The following ARL6IP6 variants were observed in gnomAD, a reference collection of about 807,000 sequenced individuals.
ARL6IP6 encodes the protein ARF like GTPase 6 interacting protein 6, also known as ADP-ribosylation factor-like protein 6-interacting protein 6.
A neutral mutation model predicts 21.5 loss-of-function variants in ARL6IP6; 22 were observed. That is an observed-to-expected ratio of 1.02 (90% confidence interval 0.73 to 1.46). The LOEUF (loss-of-function observed/expected upper bound fraction) is 1.46, where lower values mean the gene tolerates loss of function less well. Among genes scored for constraint, ARL6IP6 ranks in the 40% most tolerant of loss-of-function variants. The pLI, the probability that ARL6IP6 is intolerant of heterozygous loss-of-function variation, is 0.00. For missense variants in ARL6IP6, 388 were observed against 299.8 expected (o/e 1.29, Z -2.17); for synonymous variants, 164 against 125.3 (o/e 1.31, Z -2.06).
chr2:152,731,532 C>T (rs1700311489), intron 2 of ARL6IP6, among the ~76,000 whole-genome samples: 1 of 152,162 alleles, frequency 6.6e-6, no homozygotes, highest in Non-Finnish European at 1.5e-5. Flanking sequence ...TTTAAAGACG[C>T]AGTTTAAAAA....
At chr2:152,755,378 CCCGCCTGCAGTTA>C (rs1701536853) in intron 3 of ARL6IP6, among the ~76,000 whole-genome samples, 1 of 152,116 alleles carries the variant, frequency 6.6e-6, no homozygotes, top group African/African-American at 2.4e-5. Context: ...ATCCGTCAGG[CCCGCCTGCAGTTA>C]TCCGGAGGCC....
At chr2:152,725,162 AGTTTATTT>A (rs1699981562) in intron 2 of ARL6IP6, among the ~76,000 whole-genome samples, 1 of 152,194 alleles carries the variant, frequency 6.6e-6, no homozygotes, top group African/African-American at 2.4e-5. Flanking sequence ...TTTCTCATAA[AGTTTATTT>A]GATCTTGAAA....
intron 3 of ARL6IP6, among the ~76,000 whole-genome samples, chr2:152,746,750 C>CCAT (rs1701068476): frequency 6.6e-6 from 1 of 151,134 alleles, no homozygotes; most frequent in South Asian, 2.1e-4. Context: ...GGAAGTCTGA[C>CCAT]CATGGCCTGC....
At chr2:152,756,844 C>G (rs1042816760) in intron 3 of ARL6IP6, among the ~76,000 whole-genome samples, 1 of 152,122 alleles carries the variant, frequency 6.6e-6, no homozygotes. Flanking sequence ...ATTGGTACAA[C>G]TATTTTTCAT....
At chr2:152,731,248 A>G (rs1700295961) in intron 2 of ARL6IP6, among the ~76,000 whole-genome samples, 1 of 152,170 alleles carries the variant, frequency 6.6e-6, no homozygotes, top group Admixed American at 6.5e-5. Context: ...AACAGGTGGG[A>G]GATGGGAGGA....
chr2:152,719,013 T>G lies in ARL6IP6; in HGVS notation c.389T>G (p.Leu130Trp), dbSNP rs749177103. Residue 130 changes from leucine (L) to tryptophan (W), a missense_variant, in exon 1 of 4, where the codon TTG becomes TGG. Transcript: ENST00000326446. ...LLAFLLAIAY[L>W]IVKELHAENL... ...GCCTTCCTCCTCGCCATCGCCTACT[T>G]GATCGTTAAAGGTATTGAAGCCGAC... 6.4e-7 allele frequency: 1 copy of G among 1,571,230 alleles called. No individual in the cohort carries two copies. The highest frequency in any genetic ancestry group is 8.6e-7 in the Non-Finnish European group (1 of 1,156,474).
chr2:152,731,274 A>G (rs1398550803), intron 2 of ARL6IP6, among the ~76,000 whole-genome samples: 2 of 152,176 alleles, frequency 1.3e-5, no homozygotes, highest in African/African-American at 4.8e-5. Context: ...CTATCAGGAG[A>G]TATAATTTAC....
At chr2:152,756,653 C>A (rs1285898933) in intron 3 of ARL6IP6, among the ~76,000 whole-genome samples, 2 of 151,744 alleles carry the variant, frequency 1.3e-5, no homozygotes, top group Non-Finnish European at 2.9e-5. Context: ...ACACAAACAT[C>A]AAAAAAGAGG....
chr2:152,753,253 T>A (rs962491023), intron 3 of ARL6IP6, among the ~76,000 whole-genome samples: 6 of 152,186 alleles, frequency 3.9e-5, no homozygotes, highest in South Asian at 2.1e-4. Flanking sequence ...CACTGCTAAA[T>A]AAAAAACTGA....
chr2:152,720,735 T>C, intron 2 of ARL6IP6, 149 bp downstream of exon 2: 1 of 732,920 alleles, frequency 1.4e-6, no homozygotes, highest in South Asian at 1.9e-5. Flanking sequence ...TGGTGATAAA[T>C]GTTATTAGAT....
In ARL6IP6 at chr2:152,718,919, G is replaced by T; in HGVS notation, c.295G>T (p.Ala99Ser). 1.2e-6 allele frequency: 2 copies of T among 1,613,908 alleles called. No homozygotes were observed. The highest frequency in any genetic ancestry group is 1.7e-6 in the Non-Finnish European group (2 of 1,179,900). The change falls in exon 1 of 4, where the codon GCC (alanine) becomes TCC (serine). Residue 99 changes from alanine to serine, a missense_variant. Transcript: ENST00000326446. ...CTTTCCCGCGGCCGCGGGCAGCAGA[G>T]CCCAGCCTCGGCGGTGGCCGGTCCA... ...GIFPAAAGSR[A>S]QPRRWPVQVL...
intron 2 of ARL6IP6, among the ~76,000 whole-genome samples, chr2:152,730,044 C>T (rs1384855630): frequency 2.0e-5 from 3 of 152,192 alleles, no homozygotes; most frequent in African/African-American, 4.8e-5. Flanking sequence ...ATCATAAACA[C>T]TTCTAGACCA....
intron 3 of ARL6IP6, among the ~76,000 whole-genome samples, chr2:152,738,855 C>T (rs1055353466): frequency 6.7e-6 from 1 of 150,166 alleles, no homozygotes; most frequent in Non-Finnish European, 1.5e-5. Flanking sequence ...TGAATTTTGC[C>T]TCAGAAAATT....
At chr2:152,744,152 T>C (rs2105156376) in intron 3 of ARL6IP6, among the ~76,000 whole-genome samples, 1 of 152,306 alleles carries the variant, frequency 6.6e-6, no homozygotes, top group East Asian at 1.9e-4. Context: ...AAAGGCATGA[T>C]TTAAAATTTT....
At position 152,718,631 on chromosome 2, in the gene ARL6IP6, T is replaced by C. The variant is rs765402663; in HGVS notation, c.7T>C (p.Phe3Leu). The C allele has an allele frequency of 1.3e-6, 2 of 1,529,794 alleles. No homozygotes were observed. Among genetic ancestry groups the C allele is most frequent in the Non-Finnish European group, 1.8e-6 (2 of 1,137,914 alleles). 94.8% of individuals were successfully genotyped at this position (1,529,794 alleles called of 1,614,324 possible). The change falls in exon 1 of 4, where the codon TTT (phenylalanine) becomes CTT (leucine). Residue 3 changes from phenylalanine (F) to leucine (L), a missense_variant. Transcript: ENST00000326446. ...TTTCGTTGTGTTTCGCGCCATGTCG[T>C]TTGCTGAGAGCGGGTGGCGGTCGGC... MS[F>L]AESGWRSALR...
At chr2:152,751,228 A>G (rs1161226777) in intron 3 of ARL6IP6, among the ~76,000 whole-genome samples, 1 of 152,148 alleles carries the variant, frequency 6.6e-6, no homozygotes. Flanking sequence ...TTGACACATA[A>G]TAATCATATT....
chr2:152,720,631 G>C, intron 2 of ARL6IP6, 45 bp downstream of exon 2: 1 of 1,534,986 alleles, frequency 6.5e-7, no homozygotes, highest in Non-Finnish European at 9.0e-7. Context: ...GCTCACGTTT[G>C]TGTTTCTAGA....
At chr2:152,726,146 G>T (rs919299621) in intron 2 of ARL6IP6, among the ~76,000 whole-genome samples, 4 of 149,302 alleles carry the variant, frequency 2.7e-5, no homozygotes, top group Admixed American at 6.7e-5. Flanking sequence ...AAAGTGTTGG[G>T]TTTTTTTTTT....
At position 152,718,996 on chromosome 2, in the gene ARL6IP6, C is replaced by T. The variant is rs375677969; in HGVS notation, c.372C>T (p.Leu124=). ...TCTTCGCCATTCTTCTCGCCTTCCTCCTCGCCATCGCCTACTTGATCGTTA... is the reference window on the plus strand; with the variant it reads ...TCTTCGCCATTCTTCTCGCCTTCCTTCTCGCCATCGCCTACTTGATCGTTA... The part of the protein sequence containing the change: ...SLLFAILLAF[L]LAIAYLIVKE... The change falls in exon 1 of 4, where the codon CTC becomes CTT. Residue 124 remains leucine, a synonymous_variant. Transcript: ENST00000326446. The T allele has an allele frequency of 1.7e-5, 27 of 1,580,620 alleles. No individual in the cohort carries two copies. Among genetic ancestry groups the T allele is most frequent in the Admixed American group, 3.6e-5 (2 of 55,992 alleles).
Sources: allele counts gnomAD v4.1 joint callset (sites outside exome capture counted in the v4.1 genomes callset), GRCh38; gene constraint gnomAD v4.1.1; transcripts MANE v1.5; gene names NCBI Gene and HGNC (gene_info 2026-07-23, HGNC 2026-07-21).